Variants in CHST11 observed in about 807,000 individuals in gnomAD.
The protein encoded by CHST11 is carbohydrate sulfotransferase 11.
A neutral mutation model predicts 30.4 loss-of-function variants in CHST11; 9 were observed. That is an observed-to-expected ratio of 0.30 (90% CI 0.18 to 0.52). CHST11 has a LOEUF of 0.52. CHST11 is among the 20% of genes least tolerant of loss of function. The pLI, the probability that CHST11 is intolerant of heterozygous loss-of-function variation, is 0.97. For missense variants in CHST11, 348 were observed against 460.6 expected, an observed-to-expected ratio of 0.76 and a Z score of 2.24; for synonymous variants, 152 against 187.8, an observed-to-expected ratio of 0.81 and a Z score of 1.56.
intron 2 of CHST11, among the ~76,000 whole-genome samples, chr12:104,661,151 G>A (rs1012122067): frequency 1.3e-5 from 2 of 152,190 alleles, no homozygotes; most frequent in African/African-American, 4.8e-5. Flanking sequence ...ACTTCTCCGA[G>A]ACTCAGTTTC....
chr12:104,513,137 GT>G (rs1289758238), intron 1 of CHST11, among the ~76,000 whole-genome samples: 23 of 46,302 alleles, frequency 5.0e-4, no homozygotes, highest in South Asian at 1.5e-3. Context: ...GGGGGGGGGG[GT>G]TGGGGGTGGG....
chr12:104,671,614 C>CA (rs1256999642), intron 2 of CHST11, among the ~76,000 whole-genome samples: 11 of 152,168 alleles, frequency 7.2e-5, no homozygotes, highest in African/African-American at 2.7e-4. Context: ...AGAACGCCTA[C>CA]AGTGTGAGCA....
intron 1 of CHST11, among the ~76,000 whole-genome samples, chr12:104,462,780 C>T (rs1425909792): frequency 6.6e-6 from 1 of 152,146 alleles, no homozygotes; most frequent in East Asian, 1.9e-4. Flanking sequence ...TAAAAATTAA[C>T]AAGTAAAAAA....
chr12:104,496,444 A>G (rs1232025777), intron 1 of CHST11, among the ~76,000 whole-genome samples: 2 of 152,270 alleles, frequency 1.3e-5, no homozygotes, highest in African/African-American at 2.4e-5. Context: ...GCTGGCCACA[A>G]TTCCCCAAAT....
chr12:104,578,406 T>C (rs1174667472), intron 1 of CHST11, among the ~76,000 whole-genome samples: 1 of 152,258 alleles, frequency 6.6e-6, no homozygotes, highest in Non-Finnish European at 1.5e-5. Context: ...CCATTTTTCT[T>C]TTCCTGCATT....
chr12:104,615,715 T>TC (rs1181294425), intron 2 of CHST11, among the ~76,000 whole-genome samples: 1 of 152,122 alleles, frequency 6.6e-6, no homozygotes, highest in Non-Finnish European at 1.5e-5. Flanking sequence ...TCACTTGAAG[T>TC]CAGGAGTTCA....
intron 2 of CHST11, among the ~76,000 whole-genome samples, chr12:104,718,109 T>C (rs2040145914): frequency 6.6e-6 from 1 of 152,222 alleles, no homozygotes. Flanking sequence ...ATTGAGCACT[T>C]ACTATGCGAA....
intron 1 of CHST11, among the ~76,000 whole-genome samples, chr12:104,468,311 C>T (rs1354826091): frequency 1.3e-5 from 2 of 152,118 alleles, no homozygotes; most frequent in Non-Finnish European, 2.9e-5. Context: ...CGAAGGCCAA[C>T]TTGGGTCAGG....
chr12:104,635,666 G>A (rs915879788), intron 2 of CHST11, among the ~76,000 whole-genome samples: 4 of 152,224 alleles, frequency 2.6e-5, no homozygotes, highest in African/African-American at 4.8e-5. Flanking sequence ...TCAACTGAGT[G>A]TTACTAATTC....
intron 1 of CHST11, among the ~76,000 whole-genome samples, chr12:104,500,511 A>C (rs1421848601): frequency 6.6e-6 from 1 of 151,894 alleles, no homozygotes; most frequent in African/African-American, 2.4e-5. Flanking sequence ...TTTTACCAAC[A>C]CGAGACTTAT....
intron 2 of CHST11, among the ~76,000 whole-genome samples, chr12:104,728,223 T>A (rs2040230907): frequency 6.6e-6 from 1 of 152,160 alleles, no homozygotes; most frequent in Admixed American, 6.5e-5. Context: ...TCAGAAGTCT[T>A]CAGCAGGAAC....
At chr12:104,701,041 C>G (rs1369939062) in intron 2 of CHST11, among the ~76,000 whole-genome samples, 2 of 152,110 alleles carry the variant, frequency 1.3e-5, no homozygotes, top group Non-Finnish European at 1.5e-5. Flanking sequence ...CCCATAGGAG[C>G]TGGACAGGCA....
intron 1 of CHST11, among the ~76,000 whole-genome samples, chr12:104,490,967 C>T (rs1365739768): frequency 6.6e-6 from 1 of 151,832 alleles, no homozygotes; most frequent in Non-Finnish European, 1.5e-5. Flanking sequence ...TCTCCAACTT[C>T]AGAGCCCCTG....
At chr12:104,598,888 TGA>T (rs2038931736) in intron 1 of CHST11, among the ~76,000 whole-genome samples, 2 of 128,010 alleles carry the variant, frequency 1.6e-5, no homozygotes, top group South Asian at 5.7e-4. Flanking sequence ...CTGGCCTAGC[TGA>T]GTTGGGAGGT....
chr12:104,468,498 G>A (rs1486924247), intron 1 of CHST11, among the ~76,000 whole-genome samples: 1 of 152,140 alleles, frequency 6.6e-6, no homozygotes, highest in Non-Finnish European at 1.5e-5. Flanking sequence ...CCGCTGCTCT[G>A]AACATCTGGG....
At position 104,457,489 on chromosome 12, in the gene CHST11, T is replaced by G. The variant is rs148490795; in HGVS notation, c.78T>G (p.Phe26Leu). 2.5e-6 allele frequency: 4 copies of G among 1,614,126 alleles called. No homozygotes were observed. Among genetic ancestry groups the G allele is most frequent in the Non-Finnish European group, 3.4e-6 (4 of 1,179,928 alleles). The change falls in exon 1 of 3, where the codon TTT (phenylalanine) becomes TTG (leucine). Residue 26 changes from phenylalanine to leucine, a missense_variant. This residue lies in a region of CHST11 where 135 missense variants were observed against 155.8 expected (regional missense o/e 0.87). Transcript: ENST00000303694. ...TGCTGGCCACTTGCTTGGGATCCTT[T>G]ATCCTGGTCATCTTCTATTTCCAAA... ...RMVLATCLGS[F>L]ILVIFYFQSM...
intron 1 of CHST11, among the ~76,000 whole-genome samples, chr12:104,562,871 C>T (rs1231439872): frequency 6.6e-6 from 1 of 152,200 alleles, no homozygotes; most frequent in Admixed American, 6.5e-5. Context: ...TTGTCTGCCT[C>T]TTGGCACCTT....
At chr12:104,666,177 T>G (rs949240726) in intron 2 of CHST11, among the ~76,000 whole-genome samples, 3 of 152,180 alleles carry the variant, frequency 2.0e-5, no homozygotes, top group African/African-American at 7.2e-5. Context: ...AATACTTTAT[T>G]TAAATTGCTA....
chr12:104,526,344 T>C (rs759549046), intron 1 of CHST11, among the ~76,000 whole-genome samples: 1 of 152,224 alleles, frequency 6.6e-6, no homozygotes, highest in Non-Finnish European at 1.5e-5. Flanking sequence ...AGGAGCCCAG[T>C]TGGCCTCTAT....
Sources: allele counts gnomAD v4.1 joint callset (sites outside exome capture counted in the v4.1 genomes callset), GRCh38; gene constraint gnomAD v4.1.1; regional missense constraint gnomAD v4.1.1; transcripts MANE v1.5; gene names NCBI Gene and HGNC (gene_info 2026-07-23, HGNC 2026-07-21).